CTNNA3: variants seen among roughly 807,000 people sequenced by gnomAD.
The protein encoded by CTNNA3 is catenin alpha 3.
In CTNNA3, 76 loss-of-function variants were observed where a neutral mutation model predicts 95.7. The observed-to-expected ratio is 0.79, with a 90% CI of 0.66 to 0.96. The LOEUF is 0.96. CTNNA3 is among the 40% of genes least tolerant of loss of function. CTNNA3 has a pLI of 0.00. For synonymous variants in CTNNA3, 431 were observed against 374.4 expected, an observed-to-expected ratio of 1.15 and a Z score of -1.74; for missense variants, 1,191 against 1,089.8, an observed-to-expected ratio of 1.09 and a Z score of -1.31.
At chr10:67,692,030 C>T (rs1419122880) in intron 1 of CTNNA3, among the ~76,000 whole-genome samples, 6 of 146,428 alleles carry the variant, frequency 4.1e-5, no homozygotes, top group Non-Finnish European at 7.6e-5. Context: ...AGTGAGGAGC[C>T]CCTCTGCCCG....
chr10:66,755,595 T>G (rs1220059543), intron 9 of CTNNA3, among the ~76,000 whole-genome samples: 1 of 151,926 alleles, frequency 6.6e-6, no homozygotes, highest in Non-Finnish European at 1.5e-5. Context: ...TTGGCAAGGG[T>G]GTGGAGCAAC....
chr10:66,722,447 G>A (rs1008389993), intron 9 of CTNNA3, among the ~76,000 whole-genome samples: 3 of 151,900 alleles, frequency 2.0e-5, no homozygotes, highest in African/African-American at 7.3e-5. Context: ...AGCTTCCCAG[G>A]CAATTTGAGA....
chr10:67,380,168 TGA>T (rs1343146236), intron 5 of CTNNA3, among the ~76,000 whole-genome samples: 1 of 152,188 alleles, frequency 6.6e-6, no homozygotes, highest in Admixed American at 6.5e-5. Context: ...AAGAGGAATC[TGA>T]GAGGTCTTAG....
At chr10:67,381,820 G>A (rs989411232) in intron 5 of CTNNA3, among the ~76,000 whole-genome samples, 1 of 152,136 alleles carries the variant, frequency 6.6e-6, no homozygotes, top group African/African-American at 2.4e-5. Flanking sequence ...AGCCCTTTCT[G>A]ACAGGTGAAG....
rs760235637 is a variant in CTNNA3 at position 66,621,815 on chromosome 10, T to A, written c.1282-31A>T. The A allele has an allele frequency of 2.1e-6, 3 of 1,414,594 alleles. No homozygotes were observed. In the South Asian group the frequency reaches 3.7e-5, roughly 17 times the overall value. 87.6% of individuals were successfully genotyped at this position (1,414,594 alleles called of 1,614,324 possible). On this transcript the variant is annotated intron_variant, in intron 9 of 17. Transcript: ENST00000433211. ...ATACAATCCAAAATAATGGAAATTA[T>A]TTTAGATTAGCAAGGAAATGCAGCA...
intron 13 of CTNNA3, among the ~76,000 whole-genome samples, chr10:66,127,900 C>T (rs1343944488): frequency 6.6e-6 from 1 of 152,020 alleles, no homozygotes; most frequent in Non-Finnish European, 1.5e-5. Flanking sequence ...CATGGTGAAA[C>T]CCCATCTCTA....
At chr10:67,075,939 C>G (rs1160194271) in intron 7 of CTNNA3, among the ~76,000 whole-genome samples, 3 of 152,202 alleles carry the variant, frequency 2.0e-5, no homozygotes, top group African/African-American at 7.2e-5. Flanking sequence ...TATTTTACAT[C>G]TGCACATGCA....
intron 13 of CTNNA3, among the ~76,000 whole-genome samples, chr10:66,206,056 A>T (rs553997311): frequency 6.6e-6 from 1 of 152,070 alleles, no homozygotes; most frequent in East Asian, 1.9e-4. Context: ...ATACTCAATT[A>T]TAAGAGAAGT....
chr10:66,579,020 C>T (rs1843099502), intron 10 of CTNNA3, among the ~76,000 whole-genome samples: 1 of 148,182 alleles, frequency 6.7e-6, no homozygotes, highest in Non-Finnish European at 1.5e-5. Context: ...AATTTCAGAA[C>T]TGATTATTGG....
chr10:66,406,025 A>G (rs1161488993), intron 11 of CTNNA3, among the ~76,000 whole-genome samples: 1 of 152,310 alleles, frequency 6.6e-6, no homozygotes, highest in East Asian at 1.9e-4. Context: ...GAGAGAGGCA[A>G]AAATGGGTTT....
intron 9 of CTNNA3, among the ~76,000 whole-genome samples, chr10:66,680,081 C>T (rs1847011631): frequency 6.6e-6 from 1 of 152,098 alleles, no homozygotes; most frequent in Non-Finnish European, 1.5e-5. Flanking sequence ...CAACCTCCAC[C>T]TCCCGGGTTC....
chr10:65,970,599 A>G (rs1050197650), intron 16 of CTNNA3, among the ~76,000 whole-genome samples: 31 of 151,400 alleles, frequency 2.0e-4, no homozygotes, highest in Admixed American at 5.9e-4. Context: ...TGCAGATTAA[A>G]CTACAACAAA....
chr10:67,230,573 A>G (rs1478144839), intron 5 of CTNNA3, among the ~76,000 whole-genome samples: 1 of 152,206 alleles, frequency 6.6e-6, no homozygotes, highest in Non-Finnish European at 1.5e-5. Flanking sequence ...AGAATCTACA[A>G]TGAACTCAAA....
chr10:66,034,930 A>G (rs2133470228), intron 15 of CTNNA3, among the ~76,000 whole-genome samples: 1 of 152,344 alleles, frequency 6.6e-6, no homozygotes, highest in East Asian at 1.9e-4. Context: ...CTAATTTTAA[A>G]TTTTAAAATA....
At chr10:66,634,435 T>C (rs542303617) in intron 9 of CTNNA3, among the ~76,000 whole-genome samples, 2 of 152,246 alleles carry the variant, frequency 1.3e-5, no homozygotes, top group African/African-American at 4.8e-5. Context: ...GGCACTGGTT[T>C]TACCTTGTCT....
At chr10:67,568,522 CAT>C (rs1316038296) in intron 3 of CTNNA3, among the ~76,000 whole-genome samples, 3 of 150,948 alleles carry the variant, frequency 2.0e-5, no homozygotes, top group Admixed American at 1.3e-4. Context: ...CACACACACA[CAT>C]ATATATATGC....
chr10:67,298,934 T>A (rs879823318), intron 5 of CTNNA3, among the ~76,000 whole-genome samples: 21 of 152,144 alleles, frequency 1.4e-4, no homozygotes, highest in Non-Finnish European at 2.1e-4. Flanking sequence ...TTGCATTTTT[T>A]TTTTTTAGAC....
chr10:67,060,320 A>T (rs2133216080), intron 7 of CTNNA3, among the ~76,000 whole-genome samples: 1 of 152,302 alleles, frequency 6.6e-6, no homozygotes. Flanking sequence ...CTCAAAGAAA[A>T]GTCTTTTTAA....
At chr10:67,637,084 C>T (rs4268410) in intron 2 of CTNNA3, among the ~76,000 whole-genome samples, 20,198 of 152,076 alleles carry the variant, frequency 0.13, 2,412 homozygotes, top group African/African-American at 0.32. Context: ...GGAGGAAGTT[C>T]GAACCCATGG....
Sources: gnomAD v4.1 joint callset for allele counts (sites outside exome capture counted in the v4.1 genomes callset) on GRCh38, gnomAD v4.1.1 for gene constraint, MANE v1.5 for transcripts, NCBI Gene and HGNC (gene_info 2026-07-23, HGNC 2026-07-21) for gene names.